Variants in DUSP16 observed in about 807,000 individuals in gnomAD.
The protein encoded by DUSP16 is dual specificity phosphatase 16.
In DUSP16, 21 loss-of-function variants were observed where a neutral mutation model predicts 58.3. The ratio of observed to expected loss-of-function variants is 0.36; its 90% CI spans 0.26 to 0.52. The LOEUF is 0.52. Among genes scored for constraint, DUSP16 ranks in the 20% least tolerant of loss-of-function variants. The pLI, the probability that DUSP16 is intolerant of heterozygous loss-of-function variation, is 0.94. For missense variants in DUSP16, 726 were observed against 819.0 expected, an observed-to-expected ratio of 0.89 and a Z score of 1.39; for synonymous variants, 320 against 323.8, an observed-to-expected ratio of 0.99 and a Z score of 0.12.
intron 1 of DUSP16, among the ~76,000 whole-genome samples, chr12:12,543,400 G>T (rs1944594478): frequency 6.6e-6 from 1 of 152,108 alleles, no homozygotes; most frequent in Non-Finnish European, 1.5e-5. Flanking sequence ...GGGCAAACTG[G>T]TAATAGTAGA....
At chr12:12,546,554 G>T (rs1264589510) in intron 1 of DUSP16, among the ~76,000 whole-genome samples, 1 of 152,114 alleles carries the variant, frequency 6.6e-6, no homozygotes, top group African/African-American at 2.4e-5. Context: ...TGTAAGAAGG[G>T]ACTGGTAATG....
intron 4 of DUSP16, among the ~76,000 whole-genome samples, chr12:12,490,155 C>T (rs182204977): frequency 6.6e-5 from 10 of 152,302 alleles, no homozygotes; most frequent in African/African-American, 1.2e-4. Context: ...TGGCCTCAAG[C>T]GATCCTCCTA....
chr12:12,487,373 T>A (rs956917055), intron 4 of DUSP16, among the ~76,000 whole-genome samples, 186 bp from the exon 5 acceptor site: 1 of 151,402 alleles, frequency 6.6e-6, no homozygotes, highest in Non-Finnish European at 1.5e-5. Context: ...AAAAAAAAAA[T>A]TTAAGGACAA....
At chr12:12,510,109 C>G (rs941938048) in intron 3 of DUSP16, among the ~76,000 whole-genome samples, 1 of 152,030 alleles carries the variant, frequency 6.6e-6, no homozygotes, top group African/African-American at 2.4e-5. Context: ...CAGGACTCCA[C>G]ACCGGTGTGG....
Position 12,477,479 on chromosome 12 carries a change from A to C in DUSP16, c.1352T>G (p.Leu451Arg). The C allele has an allele frequency of 6.3e-7, 1 of 1,597,700 alleles. No homozygotes were observed. Among genetic ancestry groups the C allele is most frequent in the Non-Finnish European group, 8.5e-7 (1 of 1,171,052 alleles). ...ACTGGTTTCGGGAGTCTGCTCCGAT[A>C]GTTCCTGAACAGGGGAGAACTGGCA... ...KLCQFSPVQE[L>R]SEQTPETSPD... The change falls in exon 7 of 7, where the codon CTA (leucine) becomes CGA (arginine). Residue 451 changes from leucine (L) to arginine (R), a missense_variant. Physicochemically the swap from Leu to Arg is moderately radical, Grantham distance 102. Coordinates refer to ENST00000298573, the MANE Select transcript of DUSP16 (RefSeq NM_030640.3). This position sits in a 1 kb window ranked among gnomAD's most constrained non-coding sequence, Gnocchi z 4.1.
chr12:12,538,391 T>C (rs1944502329), intron 1 of DUSP16, among the ~76,000 whole-genome samples: 1 of 152,190 alleles, frequency 6.6e-6, no homozygotes, highest in Non-Finnish European at 1.5e-5. Flanking sequence ...AAGAAGGACT[T>C]CCACTTAGTC....
intron 1 of DUSP16, among the ~76,000 whole-genome samples, chr12:12,537,431 C>T (rs1944483829): frequency 6.6e-6 from 1 of 152,186 alleles, no homozygotes; most frequent in South Asian, 2.1e-4. Context: ...CAGTACCAGG[C>T]AATGTTCCTT....
At chr12:12,505,812 C>T (rs1018049187) in intron 3 of DUSP16, among the ~76,000 whole-genome samples, 39 of 152,166 alleles carry the variant, frequency 2.6e-4, no homozygotes, top group Non-Finnish European at 1.0e-4. Flanking sequence ...CACTGTAAAA[C>T]ACATTATAAA....
chr12:12,562,855 G>A lies in DUSP16; in HGVS notation c.-1104C>T, dbSNP rs1944928467. ...CAGGTCATGTTCCCTTCCAGAGTCCGGCGACTCTGAGGCAGGTTCCGCGGG... is the reference window on the plus strand; with the variant it reads ...CAGGTCATGTTCCCTTCCAGAGTCCAGCGACTCTGAGGCAGGTTCCGCGGG... On this transcript the variant is annotated 5_prime_UTR_variant, in exon 1 of 7. Coordinates refer to ENST00000298573, the MANE Select transcript of DUSP16 (RefSeq NM_030640.3). Among the ~76,000 whole-genome samples the A allele has an allele frequency of 6.6e-6, 1 of 151,866 alleles. No individual in the cohort carries two copies. Among genetic ancestry groups the A allele is most frequent in the South Asian group, 2.1e-4 (1 of 4,832 alleles).
intron 3 of DUSP16, among the ~76,000 whole-genome samples, chr12:12,510,769 TAGCTAGGGAAGGCTTG>T (rs1944065961): frequency 6.6e-6 from 1 of 152,200 alleles, no homozygotes; most frequent in Non-Finnish European, 1.5e-5. Flanking sequence ...CTTTGCCTGG[TAGCTAGGGAAGGCTTG>T]ACAACCACAT....
chr12:12,551,460 T>TTA (rs374274528), intron 1 of DUSP16, among the ~76,000 whole-genome samples: 11 of 134,100 alleles, frequency 8.2e-5, no homozygotes, highest in African/African-American at 2.2e-4. Context: ...GAGACTGTAT[T>TTA]AAAAAAAAAA....
rs1943488708 is a variant in DUSP16 at position 12,477,933 on chromosome 12, T to G, written c.898A>C (p.Asn300His). The change falls in exon 7 of 7, where the codon AAC (asparagine) becomes CAC (histidine). Residue 300 changes from asparagine to histidine, a missense_variant. Transcript: ENST00000298573. The surrounding 1 kb of genome is among the most constrained non-coding windows in gnomAD (Gnocchi z 4.1). The stretch of plus-strand genomic sequence containing the variant: ...TTTGGCCCTGATGCTCCAGTCTGGT[T>G]CTTAATCTTCTTCTCATAGTCCAGG... ...QLLDYEKKIKNQTGASGPKSK... is the reference protein window; with the variant it reads ...QLLDYEKKIKHQTGASGPKSK... 1 of 1,614,122 alleles carries G rather than the reference T, an allele frequency of 6.2e-7. No homozygotes were observed. Among genetic ancestry groups the G allele is most frequent in the East Asian group, 2.2e-5 (1 of 44,898 alleles).
At chr12:12,488,148 T>C (rs1168987840) in intron 4 of DUSP16, among the ~76,000 whole-genome samples, 1 of 152,200 alleles carries the variant, frequency 6.6e-6, no homozygotes, top group African/African-American at 2.4e-5. Flanking sequence ...TTCCTGCTCC[T>C]GTCCCATATA....
intron 1 of DUSP16, among the ~76,000 whole-genome samples, chr12:12,540,485 T>G (rs935655880): frequency 1.3e-5 from 2 of 152,232 alleles, no homozygotes; most frequent in African/African-American, 4.8e-5. Context: ...AACTTGTGCT[T>G]CCTTCACTTA....
At chr12:12,559,091 G>A (rs962213686) in intron 1 of DUSP16, among the ~76,000 whole-genome samples, 6 of 151,828 alleles carry the variant, frequency 4.0e-5, no homozygotes, top group African/African-American at 1.5e-4. Context: ...GCCAACCCTT[G>A]ATCATCAAGG....
chr12:12,552,211 C>T (rs906817964), intron 1 of DUSP16, among the ~76,000 whole-genome samples: 1 of 151,826 alleles, frequency 6.6e-6, no homozygotes, highest in Non-Finnish European at 1.5e-5. Flanking sequence ...TTTGGGAGGC[C>T]GAGGCAAGCG....
intron 3 of DUSP16, among the ~76,000 whole-genome samples, chr12:12,514,992 G>A (rs1207414232): frequency 2.0e-5 from 3 of 152,014 alleles, no homozygotes; most frequent in Non-Finnish European, 4.4e-5. Flanking sequence ...ATTACCTATT[G>A]CTCCCAGGAA....
At chr12:12,561,438 T>C (rs11054972) in intron 1 of DUSP16, among the ~76,000 whole-genome samples, 10,325 of 152,318 alleles carry the variant, frequency 0.068, 469 homozygotes, top group East Asian at 0.21. Flanking sequence ...CCCTCTGTGG[T>C]GTTTCATTAC....
chr12:12,534,325 G>A (rs1944434894), intron 1 of DUSP16, among the ~76,000 whole-genome samples: 1 of 152,208 alleles, frequency 6.6e-6, no homozygotes, highest in Non-Finnish European at 1.5e-5. Context: ...TCAGGAAGCT[G>A]TATCAGGAGC....
Sources: allele counts gnomAD v4.1 joint callset (sites outside exome capture counted in the v4.1 genomes callset), GRCh38; gene constraint gnomAD v4.1.1; non-coding constraint Gnocchi (gnomAD v3.1); transcripts MANE v1.5; gene names NCBI Gene and HGNC (gene_info 2026-07-23, HGNC 2026-07-21).